The following TMEM41A variants were observed in gnomAD, a reference collection of about 807,000 sequenced individuals.
TMEM41A encodes transmembrane protein 41A.
Under a neutral mutation model 25.7 loss-of-function variants are expected in TMEM41A, and 20 were observed. The observed-to-expected ratio is 0.78, with a 90% CI of 0.55 to 1.13. The LOEUF (loss-of-function observed/expected upper bound fraction) is 1.13. Ranked by LOEUF, TMEM41A falls within the 50% of genes most tolerant of loss-of-function variation. TMEM41A has a pLI of 0.00. For synonymous variants in TMEM41A, 133 were observed against 139.6 expected, an observed-to-expected ratio of 0.95 and a Z score of 0.33; for missense variants, 299 against 314.3, an observed-to-expected ratio of 0.95 and a Z score of 0.37.
rs1162666989 is a variant in TMEM41A, at chr3:185,491,451, C to A, written c.*86G>T. On this transcript the variant is annotated 3_prime_UTR_variant, in exon 5 of 5. Coordinates refer to ENST00000421852, the MANE Select transcript of TMEM41A (RefSeq NM_080652.4). ...GTCCACATCACCTATAGAAGGCAATCAAAAACAATGAGGGGCTTTAGAGGA... is the reference window on the plus strand; with the variant it reads ...GTCCACATCACCTATAGAAGGCAATAAAAAACAATGAGGGGCTTTAGAGGA... The A allele has an allele frequency of 3.6e-6, 4 of 1,113,226 alleles. No individual in the cohort carries two copies. 69.0% of individuals were successfully genotyped at this position (1,113,226 alleles called of 1,614,324 possible). A position where few individuals can be genotyped will look rare whatever the true frequency, so the allele number is the denominator to read the frequency against.
intron 2 of TMEM41A, chr3:185,496,031 G>A (rs1719091681): frequency 6.5e-6 from 1 of 153,404 alleles, no homozygotes; most frequent in Non-Finnish European, 1.5e-5. Context: ...TTTGCTTTTT[G>A]CTGGAATTAC....
chr3:185,498,990 AG>A lies in TMEM41A; in HGVS notation c.-30del. On this transcript the variant is annotated 5_prime_UTR_variant, in exon 1 of 5. Coordinates refer to ENST00000421852, the MANE Select transcript of TMEM41A (RefSeq NM_080652.4). The stretch of plus-strand genomic sequence containing the variant: ...GGCTCCGCACCCCGGCCCGCGGGGC[AG>A]CCGAGAAGCTCACTTGCACTCCGGG... 1 of 1,567,364 alleles carries A rather than the reference AG, an allele frequency of 6.4e-7. No homozygotes were observed. Among genetic ancestry groups the A allele is most frequent in the South Asian group, 1.2e-5 (1 of 86,434 alleles).
In TMEM41A at chr3:185,496,712, C is replaced by T. The variant is rs148096009; in HGVS notation, c.273+116G>A. 63 of 1,351,224 alleles carry T rather than the reference C, an allele frequency of 4.7e-5. No individual in the cohort carries two copies. The Middle Eastern group carries it at 7.5e-4, about 16-fold the overall frequency. 83.7% of individuals were successfully genotyped at this position (1,351,224 alleles called of 1,614,324 possible). ...GCTGAGGGCCACTGTGTGCCAGCCC[C>T]GATACACCCACTGTCACTTTTAATC... is the stretch of plus-strand genomic sequence containing the variant. On this transcript the variant is annotated intron_variant, in intron 2 of 4. Transcript: ENST00000421852.
chr3:185,493,213 G>A (rs1005578697), intron 4 of TMEM41A: 1 of 152,176 alleles, frequency 6.6e-6, no homozygotes, highest in African/African-American at 2.4e-5. Context: ...TGATAAAGGT[G>A]GTCCAAGGCC....
In TMEM41A at chr3:185,498,864, G is replaced by C; in HGVS notation, c.98C>G (p.Ser33Cys). 1 of 1,604,830 alleles carries C rather than the reference G, an allele frequency of 6.2e-7. No individual in the cohort carries two copies. The highest frequency in any genetic ancestry group is 8.5e-7 in the Non-Finnish European group (1 of 1,176,792). ...TRLPRGRRLGSTEEAGGRSLW... is the reference protein window; with the variant it reads ...TRLPRGRRLGCTEEAGGRSLW... ...GCACCTGCCTCCAGCCTCCTCGGTG[G>C]AGCCCAGTCTCCGCCCGCGGGGCAG... The change falls in exon 1 of 5, where the codon TCC (serine) becomes TGC (cysteine). Residue 33 changes from serine (S) to cysteine (C), a missense_variant. Physicochemically the swap from Ser to Cys is moderately radical, Grantham distance 112. Transcript: ENST00000421852.
In TMEM41A at chr3:185,491,744, A is replaced by T; in HGVS notation, c.588T>A (p.Tyr196Ter). The T allele has an allele frequency of 1.9e-6, 3 of 1,611,190 alleles. No individual in the cohort carries two copies. The highest frequency in any genetic ancestry group is 2.5e-6 in the Non-Finnish European group (3 of 1,178,508). Residue 196 changes from tyrosine to a stop codon, truncating the protein, a stop_gained, in exon 5 of 5, where the codon TAT (tyrosine) becomes TAA (stop). Coordinates refer to ENST00000421852, the MANE Select transcript of TMEM41A (RefSeq NM_080652.4). LOFTEE classifies it high-confidence loss of function. ...ACCCTGTCTGCACACAGATGAAATTATATGGGATCAAACCTGGAAGAAGAA... is the reference window on the plus strand; with the variant it reads ...ACCCTGTCTGCACACAGATGAAATTTTATGGGATCAAACCTGGAAGAAGAA... ...FFSVLIGLIPYNFICVQTGSI... is the reference protein window; with the variant it reads ...FFSVLIGLIP
rs761892320 is a variant in TMEM41A at position 185,491,595 on chromosome 3, T to C, written c.737A>G (p.His246Arg). The C allele has an allele frequency of 1.2e-6, 2 of 1,614,112 alleles. No individual in the cohort carries two copies. Among genetic ancestry groups the C allele is most frequent in the African/African-American group, 2.7e-5 (2 of 74,952 alleles). The change falls in exon 5 of 5, where the codon CAT (histidine) becomes CGT (arginine). Residue 246 changes from histidine to arginine, a missense_variant. Coordinates refer to ENST00000421852, the MANE Select transcript of TMEM41A (RefSeq NM_080652.4). ...AGTACTTGTTTCATTCAATTGCAGA[T>C]GTTTCTGACTAAATTTTTTAATGAG... ...GTLIKKFSQK[H>R]LQLNETSTAN...
In TMEM41A at chr3:185,491,347, C is replaced by A. The variant is rs1304899693; in HGVS notation, c.*190G>T. The A allele has an allele frequency of 1.1e-5, 6 of 546,274 alleles. No homozygotes were observed. The allele number at this position is 546,274 out of a possible 1,614,324, so 33.8% of individuals were successfully genotyped here. ...TGTTGCAGTGTCTGCTACACCAGGGCTGGTTTGAAAACCTGATGTAATACA... is the reference window on the plus strand; with the variant it reads ...TGTTGCAGTGTCTGCTACACCAGGGATGGTTTGAAAACCTGATGTAATACA... On this transcript the variant is annotated 3_prime_UTR_variant, in exon 5 of 5. Transcript: ENST00000421852.
intron 2 of TMEM41A, 25 bp from the exon 3 acceptor site, chr3:185,495,340 C>T (rs1327274925): frequency 2.6e-5 from 42 of 1,605,330 alleles, no homozygotes; most frequent in Non-Finnish European, 3.4e-5. Context: ...AACCCTCAGG[C>T]ATGTGAACAT....
At chr3:185,494,522 G>C in intron 4 of TMEM41A, 101 bp downstream of exon 4, 2 of 1,310,928 alleles carry the variant, frequency 1.5e-6, no homozygotes, top group Non-Finnish European at 2.0e-6. Flanking sequence ...TTGTGAGCCT[G>C]TGTTCTCAGA....
chr3:185,495,471 C>T (rs1312247046), intron 2 of TMEM41A, 156 bp from the exon 3 acceptor site: 16 of 702,718 alleles, frequency 2.3e-5, no homozygotes, highest in African/African-American at 9.0e-5. Flanking sequence ...AACAGGATCT[C>T]GCTCTGTCAC....
chr3:185,494,536 A>G, intron 4 of TMEM41A, 87 bp downstream of exon 4: 1 of 1,365,700 alleles, frequency 7.3e-7, no homozygotes, highest in South Asian at 1.9e-5. Context: ...TCTCAGAAGC[A>G]GGCACATGCT....
At chr3:185,495,054 G>T (rs947720208) in intron 3 of TMEM41A, 100 bp downstream of exon 3, 1 of 1,418,892 alleles carries the variant, frequency 7.0e-7, no homozygotes, top group Non-Finnish European at 9.7e-7. Flanking sequence ...AAACAGCGTG[G>T]AAGAGTACTG....
chr3:185,494,249 T>G (rs1176870386), intron 4 of TMEM41A: 1 of 172,210 alleles, frequency 5.8e-6, no homozygotes. Flanking sequence ...TGCTCCTTTC[T>G]TCTGTCCCCA....
intron 2 of TMEM41A, 58 bp from the exon 3 acceptor site, chr3:185,495,373 T>C: frequency 6.4e-7 from 1 of 1,550,876 alleles, no homozygotes; most frequent in Non-Finnish European, 8.8e-7. Context: ...AGGCACGTCA[T>C]CTTGGAGCCT....
At position 185,491,012 on chromosome 3, in the gene TMEM41A, T is replaced by TG. The variant is rs1718933039; in HGVS notation, c.*524dup. Reference sequence around the variant, plus strand: ...TTTTTTCTCTTTTTTTTTTTTTTTTTGTCAAGACAGTGTCTCACTCTATCA... The same window carrying TG: ...TTTTTTCTCTTTTTTTTTTTTTTTTTGGTCAAGACAGTGTCTCACTCTATCA... On this transcript the variant is annotated 3_prime_UTR_variant, in exon 5 of 5. Transcript: ENST00000421852. 1 of 150,090 alleles carries TG rather than the reference T, an allele frequency of 6.7e-6. No individual in the cohort carries two copies. The highest frequency in any genetic ancestry group is 2.5e-5 in the African/African-American group (1 of 40,630). 9.3% of individuals were successfully genotyped at this position (150,090 alleles called of 1,614,324 possible).
chr3:185,491,385 G>C lies in TMEM41A; in HGVS notation c.*152C>G. 1 of 629,762 alleles carries C rather than the reference G, an allele frequency of 1.6e-6. No individual in the cohort carries two copies. Among genetic ancestry groups the C allele is most frequent in the Non-Finnish European group, 2.8e-6 (1 of 360,534 alleles). The allele number at this position is 629,762 out of a possible 1,614,324, so 39.0% of individuals were successfully genotyped here. A position where few individuals can be genotyped will look rare whatever the true frequency, so the allele number is the denominator to read the frequency against. ...CTGATGTAATACACCTTCAAGAGCA[G>C]AGTGTCCTTTCTGAAAAGACACTGC... is the stretch of plus-strand genomic sequence containing the variant. On this transcript the variant is annotated 3_prime_UTR_variant, in exon 5 of 5. Coordinates refer to ENST00000421852, the MANE Select transcript of TMEM41A (RefSeq NM_080652.4).
At position 185,498,956 on chromosome 3, in the gene TMEM41A, G is replaced by C. The variant is rs777293343; in HGVS notation, c.6C>G (p.Arg2=). 5.6e-6 allele frequency: 9 copies of C among 1,598,544 alleles called. No homozygotes were observed. The Middle Eastern group carries it at 1.5e-3, about 272-fold the overall frequency. Residue 2 remains arginine (R), a synonymous_variant, in exon 1 of 5, where the codon CGC becomes CGG. Transcript: ENST00000421852. The part of the protein sequence containing the change: M[R]PLLGLLLVFA... ...AGACCAGAAGGAGGCCGAGAAGCGG[G>C]CGCATGTCGGCTCCGCACCCCGGCC...
chr3:185,496,777 C>T, intron 2 of TMEM41A, 51 bp downstream of exon 2: 8 of 1,571,136 alleles, frequency 5.1e-6, no homozygotes, highest in Non-Finnish European at 6.9e-6. Flanking sequence ...AGGGGAGTAT[C>T]CAAATTTTAC....
Sources: gnomAD v4.1 joint callset for allele counts on GRCh38, gnomAD v4.1.1 for gene constraint, MANE v1.5 for transcripts, NCBI Gene and HGNC (gene_info 2026-07-23, HGNC 2026-07-21) for gene names.